COL25A1: variants seen among roughly 807,000 people sequenced by gnomAD.
COL25A1 encodes the protein collagen alpha-1(XXV) chain.
Under a neutral mutation model 128.4 loss-of-function variants are expected in COL25A1, and 103 were observed. That is an observed-to-expected ratio of 0.80 (90% CI 0.68 to 0.94). COL25A1 has a LOEUF of 0.94. COL25A1 is among the 40% of genes least tolerant of loss of function. The pLI, the probability that COL25A1 is intolerant of heterozygous loss-of-function variation, is 0.00. For missense variants in COL25A1, 745 were observed against 840.0 expected, an observed-to-expected ratio of 0.89 and a Z score of 1.40; for synonymous variants, 279 against 277.2, an observed-to-expected ratio of 1.01 and a Z score of -0.06.
At chr4:109,015,753 A>G (rs1199320440) in intron 5 of COL25A1, among the ~76,000 whole-genome samples, 6 of 152,270 alleles carry the variant, frequency 3.9e-5, no homozygotes, top group Non-Finnish European at 8.8e-5. Context: ...AAGTATTCAC[A>G]GGAGGTTGAA....
chr4:109,047,688 T>C (rs2125937545), intron 5 of COL25A1, among the ~76,000 whole-genome samples: 1 of 151,462 alleles, frequency 6.6e-6, no homozygotes, highest in East Asian at 1.9e-4. Flanking sequence ...ATCACAAAAT[T>C]GTGTATCTAA....
rs552303453 is a variant in COL25A1, at chr4:109,287,282, G to C, written c.367+13301C>G. Among the ~76,000 whole-genome samples the C allele has an allele frequency of 1.5e-3, 232 of 152,230 alleles. 4 individuals are homozygous for C. Among genetic ancestry groups the C allele is most frequent in the South Asian group, 0.01 (49 of 4,818 alleles). On this transcript the variant is annotated intron_variant, in intron 3 of 37. Coordinates refer to ENST00000399132, the MANE Select transcript of COL25A1 (RefSeq NM_198721.4). ...GTTCTTCATCTAATGTTTAGGTGAA[G>C]AAATAAGTAGGGTTTAGCAGCCTAC...
intron 3 of COL25A1, among the ~76,000 whole-genome samples, chr4:109,117,251 G>C (rs1240393300): frequency 6.6e-6 from 1 of 151,860 alleles, no homozygotes; most frequent in African/African-American, 2.4e-5. Flanking sequence ...AAAGAGACCA[G>C]AGGGGGAGAA....
intron 3 of COL25A1, among the ~76,000 whole-genome samples, chr4:109,127,821 GA>G (rs1050780326): frequency 6.6e-6 from 1 of 152,102 alleles, no homozygotes; most frequent in Admixed American, 6.5e-5. Context: ...TTTGCGAGTA[GA>G]AAAAAGAGGA....
rs1186419233 is a variant in COL25A1 at position 109,219,906 on chromosome 4, T to TTTTACTATGCTATTA, written c.367+80676_367+80677insTAATAGCATAGTAAA. Among the ~76,000 whole-genome samples the TTTTACTATGCTATTA allele has an allele frequency of 2.0e-5, 3 of 152,216 alleles. No homozygotes were observed. The East Asian group carries it at 5.8e-4, about 29-fold the overall frequency. On this transcript the variant is annotated intron_variant, in intron 3 of 37. Coordinates refer to ENST00000399132, the MANE Select transcript of COL25A1 (RefSeq NM_198721.4). ...AAATAAAAATAGTTGTACATTTTTATCTCTATGCTATTATAATTTTCTGAA... is the reference window on the plus strand; with the variant it reads ...AAATAAAAATAGTTGTACATTTTTATTTTACTATGCTATTACTCTATGCTATTATAATTTTCTGAA...
chr4:109,174,109 C>G (rs1184796695), intron 3 of COL25A1, among the ~76,000 whole-genome samples: 4 of 152,186 alleles, frequency 2.6e-5, no homozygotes, highest in African/African-American at 9.7e-5. Flanking sequence ...AGGCTGCTTT[C>G]TAAATTCTGT....
At chr4:109,229,697 C>T (rs773703905) in intron 3 of COL25A1, among the ~76,000 whole-genome samples, 7 of 152,066 alleles carry the variant, frequency 4.6e-5, no homozygotes, top group Admixed American at 2.0e-4. Context: ...AGAGCTGAAC[C>T]GAGAAGGCAG....
chr4:109,051,891 C>T (rs1761036265), intron 3 of COL25A1, among the ~76,000 whole-genome samples: 2 of 151,174 alleles, frequency 1.3e-5, no homozygotes, highest in African/African-American at 2.4e-5. Context: ...TTCACCCTAA[C>T]CATGTGGAAG....
intron 3 of COL25A1, among the ~76,000 whole-genome samples, chr4:109,191,578 C>G (rs1197080416): frequency 6.6e-6 from 1 of 152,144 alleles, no homozygotes; most frequent in Non-Finnish European, 1.5e-5. Flanking sequence ...GTGCATCCGG[C>G]CTTAAGAGGA....
intron 32 of COL25A1, among the ~76,000 whole-genome samples, chr4:108,831,487 A>C (rs1733094182): frequency 6.6e-6 from 1 of 152,184 alleles, no homozygotes; most frequent in African/African-American, 2.4e-5. Flanking sequence ...AAATCTATCT[A>C]GTTTTTAAAA....
intron 3 of COL25A1, among the ~76,000 whole-genome samples, chr4:109,138,851 G>T (rs1289909633): frequency 6.6e-6 from 1 of 152,110 alleles, no homozygotes; most frequent in Non-Finnish European, 1.5e-5. Context: ...GGGACTACAG[G>T]CACCCACCAC....
At chr4:108,866,633 T>C (rs1578591924) in intron 20 of COL25A1, among the ~76,000 whole-genome samples, 1 of 152,222 alleles carries the variant, frequency 6.6e-6, no homozygotes, top group African/African-American at 2.4e-5. Flanking sequence ...AGAAATATAG[T>C]CTTAGTTACT....
intron 3 of COL25A1, among the ~76,000 whole-genome samples, chr4:109,210,754 G>C (rs1186677257): frequency 6.6e-6 from 1 of 152,016 alleles, no homozygotes; most frequent in Non-Finnish European, 1.5e-5. Flanking sequence ...TGTTCCAGCT[G>C]TTTCCCCTGT....
chr4:109,210,070 C>T lies in COL25A1; in HGVS notation c.367+90513G>A, dbSNP rs533151108. Among the ~76,000 whole-genome samples, 5 of 148,594 alleles carry T rather than the reference C, an allele frequency of 3.4e-5. No homozygotes were observed. The South Asian group carries it at 1.1e-3, about 32-fold the overall frequency. On this transcript the variant is annotated intron_variant, in intron 3 of 37. Coordinates refer to ENST00000399132, the MANE Select transcript of COL25A1 (RefSeq NM_198721.4). ...CATCTCAAAAAAAAAAAAAAGTAAA[C>T]ATCAAAATTCAGTATATGGTTCTTG... is the stretch of plus-strand genomic sequence containing the variant.
chr4:109,273,920 C>G (rs1274667662), intron 3 of COL25A1, among the ~76,000 whole-genome samples: 1 of 152,170 alleles, frequency 6.6e-6, no homozygotes, highest in Non-Finnish European at 1.5e-5. Flanking sequence ...ATTAAGGAAT[C>G]TTTTAAATAC....
intron 3 of COL25A1, among the ~76,000 whole-genome samples, chr4:109,278,639 T>C (rs1268444389): frequency 6.6e-6 from 1 of 152,208 alleles, no homozygotes; most frequent in East Asian, 1.9e-4. Context: ...CTCCTGTTAA[T>C]GACGTAGTTA....
intron 3 of COL25A1, among the ~76,000 whole-genome samples, chr4:109,162,173 A>G (rs1055297527): frequency 1.3e-5 from 2 of 152,220 alleles, no homozygotes; most frequent in African/African-American, 4.8e-5. Flanking sequence ...ATATATCAGG[A>G]AAGGCTTCCC....
intron 3 of COL25A1, among the ~76,000 whole-genome samples, chr4:109,118,152 T>C (rs117033320): frequency 0.032 from 4,911 of 151,918 alleles, 139 homozygotes; most frequent in South Asian, 0.12. Flanking sequence ...CAATAATTGA[T>C]ACACTTTGTC....
chr4:109,124,293 T>C (rs1246454696), intron 3 of COL25A1, among the ~76,000 whole-genome samples: 2 of 152,010 alleles, frequency 1.3e-5, no homozygotes, highest in African/African-American at 2.4e-5. Flanking sequence ...AGGTTTTAAT[T>C]AACGTCCTAA....
Sources: gnomAD v4.1 joint callset for allele counts (sites outside exome capture counted in the v4.1 genomes callset) on GRCh38, gnomAD v4.1.1 for gene constraint, MANE v1.5 for transcripts, NCBI Gene and HGNC (gene_info 2026-07-23, HGNC 2026-07-21) for gene names.